Variants in DOCK4 observed in about 807,000 individuals in gnomAD.
The protein encoded by DOCK4 is dedicator of cytokinesis protein 4.
A neutral mutation model predicts 268.1 loss-of-function variants in DOCK4; 97 were observed. The observed-to-expected ratio is 0.36, with a 90% CI of 0.31 to 0.43. DOCK4 has a LOEUF of 0.43. DOCK4 is among the 20% of genes least tolerant of loss of function. DOCK4 has a pLI of 1.00. For missense variants in DOCK4, 2,145 were observed against 2,455.7 expected (o/e 0.87, Z 2.67); for synonymous variants, 954 against 887.2 (o/e 1.08, Z -1.34).
intron 1 of DOCK4, among the ~76,000 whole-genome samples, chr7:112,058,276 T>C (rs943144962): frequency 1.3e-5 from 2 of 152,130 alleles, no homozygotes; most frequent in Non-Finnish European, 2.9e-5. Flanking sequence ...TTGTTTTTAA[T>C]AAATCATTAA....
At chr7:111,815,122 A>G (rs1319386964) in intron 27 of DOCK4, among the ~76,000 whole-genome samples, 1 of 152,204 alleles carries the variant, frequency 6.6e-6, no homozygotes, top group Non-Finnish European at 1.5e-5. Context: ...AAATACTTTT[A>G]ATTTTTTTCT....
chr7:111,969,193 T>C (rs1316684290), intron 8 of DOCK4, among the ~76,000 whole-genome samples: 2 of 132,034 alleles, frequency 1.5e-5, no homozygotes, highest in African/African-American at 6.2e-5. Context: ...ACATGTACCC[T>C]AAAACTTAGA....
chr7:112,106,951 C>CA (rs1389900730), intron 1 of DOCK4, among the ~76,000 whole-genome samples: 1 of 152,150 alleles, frequency 6.6e-6, no homozygotes, highest in African/African-American at 2.4e-5. Context: ...AGCATTTTGC[C>CA]AAATTCATAA....
chr7:111,959,285 A>G (rs1157892150), intron 8 of DOCK4, among the ~76,000 whole-genome samples: 2 of 152,112 alleles, frequency 1.3e-5, no homozygotes, highest in African/African-American at 4.8e-5. Context: ...TTGTTCTCAA[A>G]CAAAGTTGTA....
intron 12 of DOCK4, among the ~76,000 whole-genome samples, chr7:111,923,371 A>C: frequency 6.6e-6 from 1 of 152,246 alleles, no homozygotes. Context: ...TGCTCCCAGC[A>C]GTTTTAAGAT....
At chr7:112,123,728 G>T (rs1365659236) in intron 1 of DOCK4, among the ~76,000 whole-genome samples, 1 of 152,140 alleles carries the variant, frequency 6.6e-6, no homozygotes, top group Non-Finnish European at 1.5e-5. Flanking sequence ...TTACAGCCTT[G>T]AACTATCTTC....
At chr7:111,886,854 T>G (rs1354982032) in intron 16 of DOCK4, among the ~76,000 whole-genome samples, 1 of 152,214 alleles carries the variant, frequency 6.6e-6, no homozygotes, top group Non-Finnish European at 1.5e-5. Context: ...GAGGTTAACA[T>G]AAGGAGAAGT....
intron 30 of DOCK4, among the ~76,000 whole-genome samples, chr7:111,794,361 G>A (rs1291126492): frequency 6.6e-6 from 1 of 152,184 alleles, no homozygotes; most frequent in East Asian, 1.9e-4. Context: ...GGCTGGAGAT[G>A]TACTATTTCA....
At chr7:111,873,580 A>G (rs1387744243) in intron 17 of DOCK4, among the ~76,000 whole-genome samples, 1 of 152,218 alleles carries the variant, frequency 6.6e-6, no homozygotes, top group Admixed American at 6.5e-5. Flanking sequence ...GCAGAAACCC[A>G]AAAGGGACTT....
intron 12 of DOCK4, among the ~76,000 whole-genome samples, chr7:111,927,757 T>C (rs1016916563): frequency 3.3e-5 from 5 of 152,182 alleles, no homozygotes; most frequent in Non-Finnish European, 7.3e-5. Flanking sequence ...AGCATAGTGA[T>C]GGGGTTCAGG....
intron 1 of DOCK4, among the ~76,000 whole-genome samples, chr7:112,055,804 A>C (rs926952445): frequency 6.6e-6 from 1 of 151,946 alleles, no homozygotes; most frequent in African/African-American, 2.4e-5. Flanking sequence ...GCTACTCAGA[A>C]GGCCAAGGCA....
chr7:111,790,637 TA>T, intron 30 of DOCK4, 32 bp from the exon 31 acceptor site: 2 of 1,544,284 alleles, frequency 1.3e-6, no homozygotes, highest in Non-Finnish European at 1.7e-6. Flanking sequence ...AGTTTCAATA[TA>T]TTCAATCTTA....
In DOCK4 at chr7:112,172,095, C is replaced by T. The variant is rs1402246146; in HGVS notation, c.37+34007G>A. Among the ~76,000 whole-genome samples the T allele has an allele frequency of 2.6e-5, 4 of 152,158 alleles. No individual in the cohort carries two copies. In the South Asian group the frequency reaches 8.3e-4, roughly 32 times the overall value. ...TTTAAAGGGCCTGTTAGTCACATTC[C>T]GAAGTGCTTGGTTAGGATTTATATG... is the stretch of plus-strand genomic sequence containing the variant. On this transcript the variant is annotated intron_variant, in intron 1 of 52. Coordinates refer to ENST00000428084, the MANE Select transcript of DOCK4 (RefSeq NM_001363540.2).
intron 12 of DOCK4, among the ~76,000 whole-genome samples, chr7:111,924,274 T>C (rs906412997): frequency 6.6e-6 from 1 of 152,224 alleles, no homozygotes; most frequent in African/African-American, 2.4e-5. Context: ...GTTGTTTTTT[T>C]CACAGGGATC....
intron 26 of DOCK4, among the ~76,000 whole-genome samples, chr7:111,826,205 A>G (rs1202252588): frequency 1.3e-5 from 2 of 152,208 alleles, no homozygotes; most frequent in Non-Finnish European, 2.9e-5. Flanking sequence ...AGAGGGAACA[A>G]CACCTGTAGG....
chr7:111,796,551 C>A (rs756329069), intron 30 of DOCK4, among the ~76,000 whole-genome samples: 3 of 152,178 alleles, frequency 2.0e-5, no homozygotes, highest in Non-Finnish European at 2.9e-5. Context: ...AAAAGATGGC[C>A]ATTTGGTTTC....
chr7:111,870,323 C>CT (rs796444724), intron 20 of DOCK4, among the ~76,000 whole-genome samples: 6,008 of 131,318 alleles, frequency 0.046, 403 homozygotes, highest in African/African-American at 0.13. Context: ...TTTTTCTTTT[C>CT]TTTTTTTTTT....
At chr7:111,889,084 T>C (rs1417828291) in intron 16 of DOCK4, among the ~76,000 whole-genome samples, 2 of 152,244 alleles carry the variant, frequency 1.3e-5, no homozygotes, top group Non-Finnish European at 2.9e-5. Context: ...CACTTAACTA[T>C]CCCTAAGTGC....
Position 111,944,794 on chromosome 7 carries a change from A to G in DOCK4, c.844+17T>C. ...TCTGTTCCTTGCCCCTACTGCACTG[A>G]CAAGTGTTATACCTACCGATTCGGA... On this transcript the variant is annotated intron_variant, in intron 10 of 52. Transcript: ENST00000428084. The G allele has an allele frequency of 6.2e-7, 1 of 1,612,492 alleles. No individual in the cohort carries two copies. The highest frequency in any genetic ancestry group is 8.5e-7 in the Non-Finnish European group (1 of 1,178,542).
Sources: gnomAD v4.1 joint callset for allele counts (sites outside exome capture counted in the v4.1 genomes callset) on GRCh38, gnomAD v4.1.1 for gene constraint, MANE v1.5 for transcripts, NCBI Gene and HGNC (gene_info 2026-07-23, HGNC 2026-07-21) for gene names.